The following PCLO variants were observed in gnomAD, a reference collection of about 807,000 sequenced individuals.
PCLO encodes piccolo presynaptic cytomatrix protein.
Under a neutral mutation model 427.5 loss-of-function variants are expected in PCLO, and 82 were observed. The observed-to-expected ratio is 0.19, with a 90% CI of 0.16 to 0.23. The LOEUF (loss-of-function observed/expected upper bound fraction) is 0.23, where lower values mean the gene tolerates loss of function less well. Among genes scored for constraint, PCLO ranks in the 10% least tolerant of loss-of-function variants. The pLI, the probability that PCLO is intolerant of heterozygous loss-of-function variation, is 1.00. For synonymous variants in PCLO, 2,357 were observed against 2,155.4 expected (o/e 1.09, Z -2.59); for missense variants, 6,239 against 6,115.9 (o/e 1.02, Z -0.67).
At position 82,949,736 on chromosome 7, in the gene PCLO, T is replaced by C. The variant is rs1795287440; in HGVS notation, c.10852A>G (p.Lys3618Glu). 2 of 1,613,592 alleles carry C rather than the reference T, an allele frequency of 1.2e-6. No homozygotes were observed. The highest frequency in any genetic ancestry group is 1.7e-6 in the Non-Finnish European group (2 of 1,179,810). The part of the protein sequence containing the change: ...STVQLAPSPP[K>E]SPKVLYSPIS... ...GGTGAGTAAAGGACTTTGGGGGATT[T>C]GGGTGGGGAAGGAGCCAGCTGTACT... is the stretch of plus-strand genomic sequence containing the variant. The change falls in exon 6 of 25, where the codon AAA becomes GAA. Residue 3618 changes from lysine (K) to glutamate (E), a missense_variant. Transcript: ENST00000333891.
At chr7:82,769,448 A>G (rs1790602273) in intron 22 of PCLO, among the ~76,000 whole-genome samples, 1 of 152,120 alleles carries the variant, frequency 6.6e-6, no homozygotes, top group Admixed American at 6.6e-5. Flanking sequence ...TTTCTTTTTT[A>G]TTACATTATT....
At chr7:83,129,372 G>A (rs1260049074) in intron 3 of PCLO, among the ~76,000 whole-genome samples, 4 of 151,622 alleles carry the variant, frequency 2.6e-5, no homozygotes, top group Non-Finnish European at 2.9e-5. Context: ...ATCTATTTAC[G>A]TTTAATATCT....
chr7:82,933,570 A>AT (rs899950376), intron 6 of PCLO, among the ~76,000 whole-genome samples: 153 of 148,760 alleles, frequency 1.0e-3, no homozygotes, highest in African/African-American at 1.7e-3. Flanking sequence ...GGTCCAGTCC[A>AT]TTTTTTTTTT....
At chr7:83,086,688 A>C (rs2116419997) in intron 3 of PCLO, among the ~76,000 whole-genome samples, 1 of 152,276 alleles carries the variant, frequency 6.6e-6, no homozygotes, top group South Asian at 2.1e-4. Flanking sequence ...GCATCAACAT[A>C]TATTTTCAAA....
Position 83,023,962 on chromosome 7 carries a change from G to A in PCLO, c.3301-57475C>T, listed in dbSNP as rs1788411089. 3.9e-5 allele frequency among the ~76,000 whole-genome samples: 6 copies of A among 152,150 alleles called. No individual in the cohort carries two copies. The South Asian group carries it at 1.2e-3, about 32-fold the overall frequency. On this transcript the variant is annotated intron_variant, in intron 3 of 24. Coordinates refer to ENST00000333891, the MANE Select transcript of PCLO (RefSeq NM_033026.6). ...CAAAATTGATAGAAATGCTGCCGTT[G>A]AGTAATTCCCAAGAGCTGACTCATC...
intron 3 of PCLO, among the ~76,000 whole-genome samples, chr7:83,090,139 T>C (rs535507495): frequency 6.6e-6 from 1 of 152,132 alleles, no homozygotes; most frequent in Non-Finnish European, 1.5e-5. Context: ...CTGTCTCTAC[T>C]AAAAATACAA....
At chr7:82,947,689 G>A (rs1488907169) in intron 6 of PCLO, among the ~76,000 whole-genome samples, 1 of 152,088 alleles carries the variant, frequency 6.6e-6, no homozygotes, top group Non-Finnish European at 1.5e-5. Context: ...AATGAATTGT[G>A]CTTTGAGGCT....
rs1562932966 is a variant in PCLO at position 83,038,028 on chromosome 7, TA to T, written c.3301-71542del. ...ATATATATATATATATATATATATA[TA>T]TTTATATATTTATATATATATCTTT... On this transcript the variant is annotated intron_variant, in intron 3 of 24. Transcript: ENST00000333891. Among the ~76,000 whole-genome samples the T allele has an allele frequency of 1.9e-3, 93 of 49,446 alleles. 11 individuals carry two copies. Among genetic ancestry groups the T allele is most frequent in the African/African-American group, 0.011 (84 of 7,594 alleles). The allele number at this position is 49,446 out of a possible 152,430, so 32.4% of individuals were successfully genotyped here. A position where few individuals can be genotyped will look rare whatever the true frequency, so the allele number is the denominator to read the frequency against.
Position 82,915,797 on chromosome 7 carries a change from G to A in PCLO, c.12189C>T (p.Ser4063=), listed in dbSNP as rs1249859336. ...CCTTTTCATGAAGGCTAAATGCGGT[G>A]CTTAATGCCGCTGTTCCTTTGGTGA... The part of the protein sequence containing the change: ...GEITKGTAAL[S]TAFSLHEKDL... The change falls in exon 7 of 25, where the codon AGC becomes AGT. Residue 4063 remains serine (S), a synonymous_variant. Transcript: ENST00000333891. 1 of 1,612,742 alleles carries A rather than the reference G, an allele frequency of 6.2e-7. No individual in the cohort carries two copies. Among genetic ancestry groups the A allele is most frequent in the African/African-American group, 1.3e-5 (1 of 74,908 alleles).
At chr7:83,047,412 T>A (rs998261875) in intron 3 of PCLO, among the ~76,000 whole-genome samples, 5 of 152,024 alleles carry the variant, frequency 3.3e-5, no homozygotes, top group Non-Finnish European at 7.4e-5. Context: ...AAATAAGATA[T>A]TAAAAATGAG....
At position 82,959,936 on chromosome 7, in the gene PCLO, G is replaced by A. The variant is rs564649984; in HGVS notation, c.4018-3001C>T. Among the ~76,000 whole-genome samples, 20 of 152,184 alleles carry A rather than the reference G, an allele frequency of 1.3e-4. No homozygotes were observed. The South Asian group carries it at 3.1e-3, about 24-fold the overall frequency. On this transcript the variant is annotated intron_variant, in intron 4 of 24. Coordinates refer to ENST00000333891, the MANE Select transcript of PCLO (RefSeq NM_033026.6). ...TGGTCAGTGAGAGGCAGTGACGATCGGAGCCCCATTTGGATCTCTTCCCAT... is the reference window on the plus strand; with the variant it reads ...TGGTCAGTGAGAGGCAGTGACGATCAGAGCCCCATTTGGATCTCTTCCCAT...
chr7:82,874,281 C>T (rs1793315752), intron 10 of PCLO, among the ~76,000 whole-genome samples: 1 of 151,820 alleles, frequency 6.6e-6, no homozygotes, highest in Non-Finnish European at 1.5e-5. Flanking sequence ...TCAAGGTACA[C>T]AATAGATGTG....
At position 82,827,941 on chromosome 7, in the gene PCLO, G is replaced by T; in HGVS notation, c.14275C>A (p.His4759Asn). 1 of 1,600,366 alleles carries T rather than the reference G, an allele frequency of 6.2e-7. No homozygotes were observed. The highest frequency in any genetic ancestry group is 8.6e-7 in the Non-Finnish European group (1 of 1,168,764). ...ASAEYKRRTK[H>N]VQKSLNPEWN... Reference sequence around the variant, plus strand: ...TCAGGATTAAGACTTTTCTGGACATGTTTAGTCCTTCTCTTGTACTCAGCA... The same window carrying T: ...TCAGGATTAAGACTTTTCTGGACATTTTTAGTCCTTCTCTTGTACTCAGCA... The change falls in exon 17 of 25, where the codon CAT becomes AAT. Residue 4759 changes from histidine (H) to asparagine (N), a missense_variant. His to Asn is a moderately conservative substitution (Grantham distance 68). This residue lies in a region of PCLO where 877 missense variants were observed against 925.5 expected (regional missense o/e 0.95). Transcript: ENST00000333891.
At chr7:82,799,837 A>G (rs1295890118) in intron 22 of PCLO, among the ~76,000 whole-genome samples, 1 of 152,122 alleles carries the variant, frequency 6.6e-6, no homozygotes, top group Admixed American at 6.6e-5. Context: ...TTATGGGGAC[A>G]ATAGCTATTT....
At chr7:82,794,450 A>ATTTTTTTTTTTTTTTTTTTTTTT (rs141105612) in intron 22 of PCLO, among the ~76,000 whole-genome samples, 1 of 62,030 alleles carries the variant, frequency 1.6e-5, no homozygotes, top group Non-Finnish European at 3.9e-5. Context: ...TAGTTCATAA[A>ATTTTTTTTTTTTTTTTTTTTTTT]TTTTTTTTCT....
intron 3 of PCLO, among the ~76,000 whole-genome samples, chr7:83,102,729 A>C (rs1044798765): frequency 3.3e-5 from 5 of 151,920 alleles, no homozygotes; most frequent in Admixed American, 6.6e-5. Context: ...TATTGAAAAA[A>C]TAAAACTCTT....
chr7:82,828,577 C>T (rs1173265394), intron 16 of PCLO, among the ~76,000 whole-genome samples: 2 of 152,094 alleles, frequency 1.3e-5, no homozygotes, highest in Admixed American at 6.6e-5. Flanking sequence ...AAAAATCTTT[C>T]CTCAATTATT....
chr7:82,761,255 A>G, intron 23 of PCLO, 104 bp downstream of exon 23: 1 of 609,740 alleles, frequency 1.6e-6, no homozygotes. Context: ...TTTTTCTGAC[A>G]TATTTGGTGT....
rs1789787863 is a variant in PCLO at position 83,070,562 on chromosome 7, T to C, written c.3300+63688A>G. On this transcript the variant is annotated intron_variant, in intron 3 of 24. Transcript: ENST00000333891. ...CCACCGTGTCCGGCTAATTTTTTTGTATTTTTAGTAGAGACGGGGTTTCAC... is the reference window on the plus strand; with the variant it reads ...CCACCGTGTCCGGCTAATTTTTTTGCATTTTTAGTAGAGACGGGGTTTCAC... Among the ~76,000 whole-genome samples the C allele has an allele frequency of 2.0e-5, 3 of 152,116 alleles. No individual in the cohort carries two copies. The South Asian group carries it at 6.2e-4, about 31-fold the overall frequency.
Sources: gnomAD v4.1 joint callset for allele counts (sites outside exome capture counted in the v4.1 genomes callset) on GRCh38, gnomAD v4.1.1 for gene constraint, gnomAD v4.1.1 regional missense constraint, MANE v1.5 for transcripts, NCBI Gene and HGNC (gene_info 2026-07-23, HGNC 2026-07-21) for gene names.